The following BAIAP2 variants were observed in gnomAD, a reference collection of about 807,000 sequenced individuals.
BAIAP2 encodes the protein BAR/IMD domain containing adaptor protein 2.
Under a neutral mutation model 63.0 loss-of-function variants are expected in BAIAP2, and 18 were observed. The ratio of observed to expected loss-of-function variants is 0.29; its 90% CI spans 0.20 to 0.42. The LOEUF (loss-of-function observed/expected upper bound fraction) is 0.42. Among genes scored for constraint, BAIAP2 ranks in the 10% least tolerant of loss-of-function variants. The pLI is 1.00. For missense variants in BAIAP2, 610 were observed against 734.3 expected, an observed-to-expected ratio of 0.83 and a Z score of 1.96; for synonymous variants, 386 against 307.6, an observed-to-expected ratio of 1.25 and a Z score of -2.67.
intron 6 of BAIAP2, chr17:81,097,785 TAGCCTCCTGC>T (rs2057881201): frequency 4.2e-6 from 1 of 240,874 alleles, no homozygotes; most frequent in African/African-American, 2.2e-5. Context: ...CTGAAGCAGC[TAGCCTCCTGC>T]GGCCTCCCAG....
chr17:81,073,145 G>T (rs1294165170), intron 3 of BAIAP2, among the ~76,000 whole-genome samples: 1 of 152,070 alleles, frequency 6.6e-6, no homozygotes, highest in African/African-American at 2.4e-5. Flanking sequence ...CTGTCCCCAT[G>T]ACCCTCCAGC....
intron 1 of BAIAP2, among the ~76,000 whole-genome samples, chr17:81,040,574 G>A (rs34891305): frequency 0.023 from 3,443 of 152,372 alleles, 85 homozygotes; most frequent in African/African-American, 0.054. Context: ...GGCATGGAAC[G>A]GCGGCCAGCC....
rs2060567532 is a variant in BAIAP2, at chr17:81,117,001, GA to G, written c.*1164del. On this transcript the variant is annotated 3_prime_UTR_variant, in exon 14 of 14. Transcript: ENST00000428708. Reference sequence around the variant, plus strand: ...CAGGGACAGACAGACATTGCCCTCAGAAGGGCAGGGAGGAGGCTGTCCTGGA... The same window carrying G: ...CAGGGACAGACAGACATTGCCCTCAGAGGGCAGGGAGGAGGCTGTCCTGGA... The G allele has an allele frequency of 6.6e-6, 1 of 152,500 alleles. No individual in the cohort carries two copies. The highest frequency in any genetic ancestry group is 2.4e-5 in the African/African-American group (1 of 41,464). The allele number at this position is 152,500 out of a possible 1,614,324, so 9.4% of individuals were successfully genotyped here.
chr17:81,075,184 A>G (rs1033251885), intron 3 of BAIAP2, among the ~76,000 whole-genome samples: 1 of 152,154 alleles, frequency 6.6e-6, no homozygotes, highest in African/African-American at 2.4e-5. Context: ...ATTGGGGGAA[A>G]CTTCCTGGTG....
In BAIAP2 at chr17:81,046,884, C is replaced by T. The variant is rs1000108811; in HGVS notation, c.55-6784C>T. Reference sequence around the variant, plus strand: ...GGTCCGTGTCTGTGTGTGGGGTCCTCATGCTGTGGCTGTGGTGGCACAGCG... The same window carrying T: ...GGTCCGTGTCTGTGTGTGGGGTCCTTATGCTGTGGCTGTGGTGGCACAGCG... On this transcript the variant is annotated intron_variant, in intron 1 of 13. Transcript: ENST00000428708. This position sits in a 1 kb window ranked among gnomAD's most constrained non-coding sequence, Gnocchi z 4.5. Among the ~76,000 whole-genome samples, 5 of 152,240 alleles carry T rather than the reference C, an allele frequency of 3.3e-5. No homozygotes were observed. Among genetic ancestry groups the T allele is most frequent in the Non-Finnish European group, 5.9e-5 (4 of 68,038 alleles).
chr17:81,035,232 TG>T lies in BAIAP2; in HGVS notation c.-21del. On this transcript the variant is annotated 5_prime_UTR_variant, in exon 1 of 14. Transcript: ENST00000428708. ...CGCTTGCGTCCCCCGCTCCGGTCTGTGGTGCAGCCGGGACCCAGGACCATGT... is the reference window on the plus strand; with the variant it reads ...CGCTTGCGTCCCCCGCTCCGGTCTGTGTGCAGCCGGGACCCAGGACCATGT... 1.3e-6 allele frequency: 2 copies of T among 1,491,022 alleles called. No homozygotes were observed. The highest frequency in any genetic ancestry group is 9.0e-7 in the Non-Finnish European group (1 of 1,113,812). The allele number at this position is 1,491,022 out of a possible 1,614,324, so 92.4% of individuals were successfully genotyped here. A position where few individuals can be genotyped will look rare whatever the true frequency, so the allele number is the denominator to read the frequency against.
intron 3 of BAIAP2, among the ~76,000 whole-genome samples, chr17:81,062,551 C>G (rs78887511): frequency 0.082 from 12,412 of 152,222 alleles, 555 homozygotes; most frequent in South Asian, 0.1. Context: ...TTGGAGCCTC[C>G]CTGCTCCCTC....
At chr17:81,110,760 C>T (rs1356013380) in intron 13 of BAIAP2, among the ~76,000 whole-genome samples, 2 of 152,348 alleles carry the variant, frequency 1.3e-5, no homozygotes, top group Non-Finnish European at 2.9e-5. Flanking sequence ...CCGCAGGCGC[C>T]GTCCAGGGAG....
intron 1 of BAIAP2, among the ~76,000 whole-genome samples, chr17:81,038,794 G>A (rs978867495): frequency 2.6e-5 from 4 of 152,232 alleles, no homozygotes; most frequent in African/African-American, 9.6e-5. Context: ...TCTTCCTGGG[G>A]TGTGCAGAGC....
chr17:81,114,775 G>C (rs541097555), intron 13 of BAIAP2, among the ~76,000 whole-genome samples: 1 of 152,108 alleles, frequency 6.6e-6, no homozygotes, highest in Non-Finnish European at 1.5e-5. Context: ...GTTTGCTTCC[G>C]GCTGCCTGTG....
chr17:81,049,007 A>ACC lies in BAIAP2; in HGVS notation c.55-4655_55-4654dup, dbSNP rs34429122. 3.6e-3 allele frequency among the ~76,000 whole-genome samples: 550 copies of ACC among 151,864 alleles called. 2 individuals are homozygous for ACC. The highest frequency in any genetic ancestry group is 0.012 in the African/African-American group (512 of 41,354). On this transcript the variant is annotated intron_variant, in intron 1 of 13. Coordinates refer to ENST00000428708, the MANE Select transcript of BAIAP2 (RefSeq NM_001144888.2). ...CCCTTCATAGGCAGGCCGGCCCAGG[A>ACC]CCCCCCCTGGGGTGGGAAAGGTGTT...
Position 81,115,659 on chromosome 17 carries a change from G to A in BAIAP2, c.1536-111G>A, listed in dbSNP as rs531017603. 793 of 1,290,534 alleles carry A rather than the reference G, an allele frequency of 6.1e-4. 2 individuals carry two copies. The highest frequency in any genetic ancestry group is 8.2e-4 in the Non-Finnish European group (742 of 901,756). 79.9% of individuals were successfully genotyped at this position (1,290,534 alleles called of 1,614,324 possible). ...TCTGTGAGCTCTGTGCCCTGAGATC[G>A]GACCGTAGGCATCCAGCACTGGGGA... On this transcript the variant is annotated intron_variant, in intron 13 of 13. Transcript: ENST00000428708.
At chr17:81,050,457 C>T (rs995902188) in intron 1 of BAIAP2, among the ~76,000 whole-genome samples, 2 of 152,178 alleles carry the variant, frequency 1.3e-5, no homozygotes, top group African/African-American at 2.4e-5. Flanking sequence ...TAGGCATGGC[C>T]GCCGTGCTGA....
rs148408272 is a variant in BAIAP2, at chr17:81,104,023, G to A, written c.981G>A (p.Pro327=). The A allele has an allele frequency of 2.0e-5, 33 of 1,613,134 alleles. No individual in the cohort carries two copies. Among genetic ancestry groups the A allele is most frequent in the Middle Eastern group, 1.6e-4 (1 of 6,084 alleles). Reference sequence around the variant, plus strand: ...CCCAGCCCAAATCCCTGTCTCCTCCGCAGTCTCAGAGCAAGCTCAGCGACT... The same window carrying A: ...CCCAGCCCAAATCCCTGTCTCCTCCACAGTCTCAGAGCAAGCTCAGCGACT... ...KAAQPKSLSP[P]QSQSKLSDSY... Residue 327 remains proline, a synonymous_variant, in exon 9 of 14, where the codon CCG becomes CCA. Coordinates refer to ENST00000428708, the MANE Select transcript of BAIAP2 (RefSeq NM_001144888.2).
intron 1 of BAIAP2, among the ~76,000 whole-genome samples, chr17:81,047,077 C>T (rs907668741): frequency 5.3e-5 from 8 of 152,234 alleles, no homozygotes; most frequent in Admixed American, 2.6e-4. Flanking sequence ...GGGCCCCTCC[C>T]CTCAACAGTC....
At chr17:81,070,661 G>C (rs115556233) in intron 3 of BAIAP2, among the ~76,000 whole-genome samples, 1 of 152,106 alleles carries the variant, frequency 6.6e-6, no homozygotes, top group Non-Finnish European at 1.5e-5. Flanking sequence ...AGAAGGTGTC[G>C]GGTTAGCTCA....
In BAIAP2 at chr17:81,095,354, C is replaced by T. The variant is rs2057446933; in HGVS notation, c.490-4574C>T. ...CGTATAGGTCATCCCCGTCCAACAGCAGGTCACAGTTGGCCGGGCCCTGCA... is the reference window on the plus strand; with the variant it reads ...CGTATAGGTCATCCCCGTCCAACAGTAGGTCACAGTTGGCCGGGCCCTGCA... On this transcript the variant is annotated intron_variant, in intron 6 of 13. Transcript: ENST00000428708. Among the ~76,000 whole-genome samples, 4 of 152,308 alleles carry T rather than the reference C, an allele frequency of 2.6e-5. No homozygotes were observed. The South Asian group carries it at 8.3e-4, about 32-fold the overall frequency.
At chr17:81,113,749 G>A (rs1276651097) in intron 13 of BAIAP2, among the ~76,000 whole-genome samples, 1 of 152,158 alleles carries the variant, frequency 6.6e-6, no homozygotes, top group African/African-American at 2.4e-5. Context: ...GAGACAAGAA[G>A]AGAAAAATGC....
At chr17:81,079,530 C>T (rs569074682) in intron 3 of BAIAP2, among the ~76,000 whole-genome samples, 9 of 152,246 alleles carry the variant, frequency 5.9e-5, no homozygotes, top group Non-Finnish European at 8.8e-5. Context: ...TCCTCCTCCT[C>T]CTCACTCCCC....
Sources: gnomAD v4.1 joint callset for allele counts (sites outside exome capture counted in the v4.1 genomes callset) on GRCh38, gnomAD v4.1.1 for gene constraint, Gnocchi (gnomAD v3.1) non-coding constraint, MANE v1.5 for transcripts, NCBI Gene and HGNC (gene_info 2026-07-23, HGNC 2026-07-21) for gene names.